The following FAT3 variants were observed in gnomAD, a reference collection of about 807,000 sequenced individuals.
The protein encoded by FAT3 is FAT atypical cadherin 3, also known as protocadherin Fat 3.
FAT3 carries 95 observed loss-of-function variants against 310.2 expected under a neutral mutation model. The ratio of observed to expected loss-of-function variants is 0.31; its 90% CI spans 0.26 to 0.36. The LOEUF (loss-of-function observed/expected upper bound fraction) is 0.36, where lower values mean the gene tolerates loss of function less well. Ranked by LOEUF, FAT3 falls within the 10% of genes least tolerant of loss-of-function variation. FAT3 has a pLI of 1.00. For missense variants in FAT3, 5,408 were observed against 5,715.6 expected (o/e 0.95, Z 1.74); for synonymous variants, 2,314 against 2,192.9 (o/e 1.06, Z -1.54).
chr11:92,718,585 C>T (rs1264492177), intron 4 of FAT3, among the ~76,000 whole-genome samples: 1 of 152,100 alleles, frequency 6.6e-6, no homozygotes, highest in Non-Finnish European at 1.5e-5. Flanking sequence ...CTAGTGTCTT[C>T]CTAGTATATA....
intron 3 of FAT3, among the ~76,000 whole-genome samples, chr11:92,616,468 C>T (rs535159358): frequency 3.9e-5 from 6 of 152,178 alleles, no homozygotes; most frequent in African/African-American, 9.6e-5. Flanking sequence ...GAGCATTTAG[C>T]CCATTTACAT....
chr11:92,323,253 GTA>G (rs1237769778), intron 1 of FAT3, among the ~76,000 whole-genome samples: 4 of 151,578 alleles, frequency 2.6e-5, no homozygotes, highest in Admixed American at 6.6e-5. Flanking sequence ...GTATGTGTGT[GTA>G]TATATATATT....
chr11:92,269,999 T>A (rs1460116722), intron 1 of FAT3, among the ~76,000 whole-genome samples: 4 of 152,164 alleles, frequency 2.6e-5, no homozygotes, highest in Admixed American at 6.5e-5. Flanking sequence ...TGGTGAGGCA[T>A]CTGAGGAATC....
intron 18 of FAT3, among the ~76,000 whole-genome samples, chr11:92,842,848 C>G (rs926575038): frequency 2.0e-5 from 3 of 152,184 alleles, no homozygotes; most frequent in Non-Finnish European, 4.4e-5. Context: ...CACCACTGCA[C>G]TGCAGCCTAG....
Position 92,798,953 on chromosome 11 carries a change from C to T in FAT3, c.5940C>T (p.Leu1980=). 1 of 1,613,990 alleles carries T rather than the reference C, an allele frequency of 6.2e-7. No homozygotes were observed. Among genetic ancestry groups the T allele is most frequent in the Non-Finnish European group, 8.5e-7 (1 of 1,179,872 alleles). ...IMVKEAMDSG[L]HFTQSFYSTS... is the part of the protein sequence containing the mutation. ...TTAAAGAAGCCATGGACAGCGGCCT[C>T]CACTTTACACAAAGCTTCTATTCCA... Residue 1980 remains leucine, a synonymous_variant, in exon 10 of 28, where the codon CTC becomes CTT. Transcript: ENST00000525166.
chr11:92,809,825 T>G lies in FAT3; in HGVS notation c.9248-18T>G. The G allele has an allele frequency of 6.3e-7, 1 of 1,596,900 alleles. No individual in the cohort carries two copies. Among genetic ancestry groups the G allele is most frequent in the Non-Finnish European group, 8.6e-7 (1 of 1,165,864 alleles). Reference sequence around the variant, plus strand: ...TTTTAAAAACTCAGACCAATCATGCTGCCATTTATTTTCACAGGCGAGTTA... The same window carrying G: ...TTTTAAAAACTCAGACCAATCATGCGGCCATTTATTTTCACAGGCGAGTTA... On this transcript the variant is annotated intron_variant, in intron 12 of 27. Transcript: ENST00000525166.
At chr11:92,770,110 C>T (rs1458550530) in intron 6 of FAT3, among the ~76,000 whole-genome samples, 4 of 152,154 alleles carry the variant, frequency 2.6e-5, no homozygotes, top group East Asian at 1.9e-4. Context: ...GACCCTTGCT[C>T]CAAGTCATTC....
At chr11:92,590,497 G>C (rs1939371276) in intron 3 of FAT3, among the ~76,000 whole-genome samples, 2 of 152,094 alleles carry the variant, frequency 1.3e-5, no homozygotes, top group African/African-American at 4.8e-5. Context: ...GAAATTATGT[G>C]AAAGGAAGAG....
intron 3 of FAT3, among the ~76,000 whole-genome samples, chr11:92,657,543 C>T (rs1942627476): frequency 2.0e-5 from 3 of 152,194 alleles, no homozygotes. Context: ...AAGGAGACAT[C>T]TTTACTTTTA....
rs2134457108 is a variant in FAT3, at chr11:92,311,670, T to G, written c.-17-40426T>G. ...AGCAATCTGGGTGAAAGGAGGACACTATCAGTAAAAGAGAAGACTGTAATT... is the reference window on the plus strand; with the variant it reads ...AGCAATCTGGGTGAAAGGAGGACACGATCAGTAAAAGAGAAGACTGTAATT... On this transcript the variant is annotated intron_variant, in intron 1 of 27. Coordinates refer to ENST00000525166, the MANE Select transcript of FAT3 (RefSeq NM_001367949.2). Among the ~76,000 whole-genome samples the G allele has an allele frequency of 2.0e-5, 3 of 152,298 alleles. No homozygotes were observed. In the South Asian group the frequency reaches 6.2e-4, roughly 32 times the overall value.
intron 3 of FAT3, among the ~76,000 whole-genome samples, chr11:92,685,394 A>G (rs1943602579): frequency 6.6e-6 from 1 of 152,068 alleles, no homozygotes; most frequent in Non-Finnish European, 1.5e-5. Flanking sequence ...CCATAGCAAT[A>G]ATCATCGCAG....
At chr11:92,632,526 A>G (rs906381626) in intron 3 of FAT3, among the ~76,000 whole-genome samples, 5 of 152,220 alleles carry the variant, frequency 3.3e-5, no homozygotes, top group African/African-American at 1.2e-4. Context: ...GTTGAACTCG[A>G]CCTGACTGCT....
intron 4 of FAT3, among the ~76,000 whole-genome samples, chr11:92,735,303 A>T (rs1945308897): frequency 6.6e-6 from 1 of 152,178 alleles, no homozygotes; most frequent in African/African-American, 2.4e-5. Flanking sequence ...TTCAGAGAAT[A>T]ATCATGGCAG....
chr11:92,885,645 T>A (rs1188821343), intron 24 of FAT3, among the ~76,000 whole-genome samples: 1 of 152,168 alleles, frequency 6.6e-6, no homozygotes, highest in African/African-American at 2.4e-5. Flanking sequence ...ATCTTGCCAA[T>A]CCACTAGCTA....
At position 92,801,405 on chromosome 11, in the gene FAT3, G is replaced by A; in HGVS notation, c.8392G>A (p.Val2798Met). The A allele has an allele frequency of 6.2e-7, 1 of 1,613,966 alleles. No individual in the cohort carries two copies. Among genetic ancestry groups the A allele is most frequent in the Non-Finnish European group, 8.5e-7 (1 of 1,179,872 alleles). ...GGACAAAGTAGACATTGTGTTTACT[G>A]TGGATGTAGATATCAAGGTATTGGA... ...PLDKVDIVFT[V>M]DVDIKVLDLN... The change falls in exon 10 of 28, where the codon GTG (valine) becomes ATG (methionine). Residue 2798 changes from valine to methionine, a missense_variant. Physicochemically the swap from Val to Met is conservative, Grantham distance 21. Around this residue, in one of 5 missense-constraint regions of FAT3, gnomAD observed 4,588 missense variants for 4,809.8 expected, o/e 0.95. Coordinates refer to ENST00000525166, the MANE Select transcript of FAT3 (RefSeq NM_001367949.2).
intron 2 of FAT3, among the ~76,000 whole-genome samples, chr11:92,435,528 T>C (rs1284347617): frequency 2.7e-5 from 4 of 149,582 alleles, no homozygotes; most frequent in African/African-American, 7.4e-5. Flanking sequence ...CCTTTCTCTT[T>C]CTTTCTTTCC....
rs958320673 is a variant in FAT3, at chr11:92,444,594, G to T, written c.3293-80040G>T. 2.0e-5 allele frequency among the ~76,000 whole-genome samples: 3 copies of T among 148,748 alleles called. No individual in the cohort carries two copies. The East Asian group carries it at 6.2e-4, about 31-fold the overall frequency. ...AGTTTATTTAGAGTCCATCTCAGAC[G>T]TAGGAGGACATATCCACCAAGCTCC... On this transcript the variant is annotated intron_variant, in intron 2 of 27. Transcript: ENST00000525166.
At chr11:92,533,162 G>A (rs919206159) in intron 3 of FAT3, among the ~76,000 whole-genome samples, 6 of 152,066 alleles carry the variant, frequency 3.9e-5, no homozygotes, top group African/African-American at 1.4e-4. Context: ...CCAAGTAGCT[G>A]GGACTACAGG....
At chr11:92,826,938 A>G (rs1948118718) in intron 13 of FAT3, among the ~76,000 whole-genome samples, 2 of 152,200 alleles carry the variant, frequency 1.3e-5, no homozygotes, top group African/African-American at 4.8e-5. Flanking sequence ...AGGGATCCTG[A>G]TCTTAGGAGG....
Sources: allele counts gnomAD v4.1 joint callset (sites outside exome capture counted in the v4.1 genomes callset), GRCh38; gene constraint gnomAD v4.1.1; regional missense constraint gnomAD v4.1.1; transcripts MANE v1.5; gene names NCBI Gene and HGNC (gene_info 2026-07-23, HGNC 2026-07-21).